Variants in SPOCK1 observed in about 807,000 individuals in gnomAD.
SPOCK1 encodes the protein testican-1.
Under a neutral mutation model 55.3 loss-of-function variants are expected in SPOCK1, and 23 were observed. The ratio of observed to expected loss-of-function variants is 0.42; its 90% CI spans 0.30 to 0.59. SPOCK1 has a LOEUF of 0.59. Among genes scored for constraint, SPOCK1 ranks in the 20% least tolerant of loss-of-function variants. The pLI is 0.22. For missense variants in SPOCK1, 499 were observed against 552.5 expected, an observed-to-expected ratio of 0.90 and a Z score of 0.97; for synonymous variants, 226 against 221.0, an observed-to-expected ratio of 1.02 and a Z score of -0.20.
At chr5:137,163,387 CCTCAGT>C (rs1259009834) in intron 3 of SPOCK1, among the ~76,000 whole-genome samples, 1 of 152,136 alleles carries the variant, frequency 6.6e-6, no homozygotes, top group Non-Finnish European at 1.5e-5. Flanking sequence ...GGCTCAAAGA[CCTCAGT>C]GGGCAAATTC....
chr5:137,339,193 A>G (rs915678215), intron 2 of SPOCK1, among the ~76,000 whole-genome samples: 2 of 152,194 alleles, frequency 1.3e-5, no homozygotes, highest in African/African-American at 4.8e-5. Flanking sequence ...CTCCCTTTCT[A>G]TAGGTTCCTT....
chr5:137,423,733 G>A (rs758258814), intron 2 of SPOCK1, among the ~76,000 whole-genome samples: 4 of 152,186 alleles, frequency 2.6e-5, no homozygotes, highest in African/African-American at 4.8e-5. Flanking sequence ...GTACTTCCCG[G>A]GTAAGGCGAT....
At chr5:137,326,267 T>C (rs887813392) in intron 2 of SPOCK1, among the ~76,000 whole-genome samples, 3 of 147,910 alleles carry the variant, frequency 2.0e-5, no homozygotes, top group Non-Finnish European at 4.5e-5. Context: ...ATGAGGTACC[T>C]ACTTCTGCAT....
chr5:137,391,939 C>A (rs896583568), intron 2 of SPOCK1, among the ~76,000 whole-genome samples: 1 of 152,106 alleles, frequency 6.6e-6, no homozygotes, highest in Non-Finnish European at 1.5e-5. Flanking sequence ...AGCTATGCAA[C>A]CTGCCTTCTA....
At chr5:137,217,975 TAGAAGG>T (rs1199574461) in intron 3 of SPOCK1, among the ~76,000 whole-genome samples, 5 of 150,644 alleles carry the variant, frequency 3.3e-5, no homozygotes, top group Non-Finnish European at 7.4e-5. Flanking sequence ...TATAGATGGT[TAGAAGG>T]AGAAGGAGAA....
chr5:137,498,298 A>T, intron 2 of SPOCK1, 75 bp downstream of exon 2: 1 of 1,313,610 alleles, frequency 7.6e-7, no homozygotes, highest in Non-Finnish European at 1.0e-6. Flanking sequence ...ACACACACAC[A>T]CACCCCAACC....
At chr5:136,997,642 T>G (rs1751070404) in intron 6 of SPOCK1, among the ~76,000 whole-genome samples, 1 of 152,228 alleles carries the variant, frequency 6.6e-6, no homozygotes, top group Non-Finnish European at 1.5e-5. Flanking sequence ...CCCTCCGACA[T>G]GCTCTTCTAT....
At chr5:137,037,707 A>T (rs1751910870) in intron 6 of SPOCK1, among the ~76,000 whole-genome samples, 1 of 152,132 alleles carries the variant, frequency 6.6e-6, no homozygotes, top group East Asian at 1.9e-4. Flanking sequence ...GGAGTCGCTA[A>T]CCTAAAAAAA....
intron 3 of SPOCK1, among the ~76,000 whole-genome samples, chr5:137,226,918 TA>T (rs200758391): frequency 1.5e-4 from 23 of 152,200 alleles, no homozygotes; most frequent in Admixed American, 1.5e-3. Flanking sequence ...AAGTACCTAA[TA>T]AAAAATGTGA....
Position 137,498,562 on chromosome 5 carries a change from CG to C in SPOCK1, c.1-5del. 3.4e-6 allele frequency: 5 copies of C among 1,486,422 alleles called. No individual in the cohort carries two copies. The highest frequency in any genetic ancestry group is 4.4e-6 in the Non-Finnish European group (5 of 1,126,596). The allele number at this position is 1,486,422 out of a possible 1,614,324, so 92.1% of individuals were successfully genotyped here. A position where few individuals can be genotyped will look rare whatever the true frequency, so the allele number is the denominator to read the frequency against. ...CCAACACCGCGATCGCCGGCATCTG[CG>C]GGGCAGGGCGCGCAGGGCGATGAGC... On this transcript the variant is annotated splice_region_variant and splice_polypyrimidine_tract_variant and intron_variant, in intron 1 of 10. Transcript: ENST00000394945.
At chr5:137,494,149 T>C (rs1005691202) in intron 2 of SPOCK1, among the ~76,000 whole-genome samples, 2 of 152,238 alleles carry the variant, frequency 1.3e-5, no homozygotes, top group African/African-American at 4.8e-5. Flanking sequence ...GAAAATGTCA[T>C]GTTTGGTGTA....
intron 6 of SPOCK1, among the ~76,000 whole-genome samples, chr5:137,044,506 T>C (rs6898165): frequency 0.19 from 28,720 of 152,146 alleles, 3,136 homozygotes; most frequent in Non-Finnish European, 0.23. Context: ...AATTTGAATT[T>C]TAAAAGGCGT....
At chr5:137,316,563 C>T (rs1757883951) in intron 2 of SPOCK1, among the ~76,000 whole-genome samples, 1 of 152,206 alleles carries the variant, frequency 6.6e-6, no homozygotes, top group Non-Finnish European at 1.5e-5. Context: ...GGCCCACAAC[C>T]AGGACTTGTG....
chr5:136,989,248 ATTTC>A (rs1480974696), intron 7 of SPOCK1, among the ~76,000 whole-genome samples: 18 of 152,162 alleles, frequency 1.2e-4, no homozygotes, highest in Non-Finnish European at 2.2e-4. Context: ...TCAGACAATA[ATTTC>A]TTTCTTATTT....
In SPOCK1 at chr5:137,114,111, C is replaced by A. The variant is rs561872838; in HGVS notation, c.348-1550G>T. Among the ~76,000 whole-genome samples, 29 of 152,310 alleles carry A rather than the reference C, an allele frequency of 1.9e-4. 1 individual carries two copies. The Middle Eastern group carries it at 0.02, about 107-fold the overall frequency. On this transcript the variant is annotated intron_variant, in intron 4 of 10. Transcript: ENST00000394945. ...AGAGAGGATCAACAGGTACCCACAG[C>A]ACAGCACATGGGGCCCTCAGAGATC...
intron 2 of SPOCK1, among the ~76,000 whole-genome samples, chr5:137,369,149 C>T (rs1411056912): frequency 2.6e-5 from 4 of 152,206 alleles, no homozygotes; most frequent in Non-Finnish European, 5.9e-5. Context: ...TTCAGAGCTG[C>T]TCCTGATGAC....
Position 136,979,532 on chromosome 5 carries a change from C to T in SPOCK1, c.992-63G>A, listed in dbSNP as rs13158661. On this transcript the variant is annotated intron_variant, in intron 9 of 10. Coordinates refer to ENST00000394945, the MANE Select transcript of SPOCK1 (RefSeq NM_004598.4). ...GCAGATGATACTCGGGGTTAATGCCCGTCAACACAGGGAAGAGGGCTCACA... is the reference window on the plus strand; with the variant it reads ...GCAGATGATACTCGGGGTTAATGCCTGTCAACACAGGGAAGAGGGCTCACA... 0.11 allele frequency: 171,185 copies of T among 1,575,834 alleles called. 9,679 individuals are homozygous for T. The highest frequency in any genetic ancestry group is 0.13 in the African/African-American group (9,741 of 74,380).
intron 2 of SPOCK1, chr5:137,313,528 A>G: frequency 1.0e-6 from 1 of 982,092 alleles, no homozygotes; most frequent in Non-Finnish European, 1.2e-6. Flanking sequence ...AGGGATCCAT[A>G]GGAGAGTCAC....
At chr5:137,034,503 A>G (rs571672238) in intron 6 of SPOCK1, among the ~76,000 whole-genome samples, 1 of 152,170 alleles carries the variant, frequency 6.6e-6, no homozygotes, top group Non-Finnish European at 1.5e-5. Flanking sequence ...AGATGGCATG[A>G]CGGTGCACTC....
Sources: gnomAD v4.1 joint callset for allele counts (sites outside exome capture counted in the v4.1 genomes callset) on GRCh38, gnomAD v4.1.1 for gene constraint, MANE v1.5 for transcripts, NCBI Gene and HGNC (gene_info 2026-07-23, HGNC 2026-07-21) for gene names.